ATMIN: variants seen among roughly 807,000 people sequenced by gnomAD.
ATMIN encodes ATM INteracting protein.
In ATMIN, 24 loss-of-function variants were observed where a neutral mutation model predicts 49.2. That is an observed-to-expected ratio of 0.49 (90% confidence interval 0.35 to 0.69). The LOEUF (loss-of-function observed/expected upper bound fraction) is 0.69. ATMIN is among the 30% of genes least tolerant of loss of function. The pLI is 0.00. For synonymous variants in ATMIN, 450 were observed against 392.5 expected, an observed-to-expected ratio of 1.15 and a Z score of -1.73; for missense variants, 1,037 against 1,005.5, an observed-to-expected ratio of 1.03 and a Z score of -0.42.
In ATMIN at chr16:81,044,001, A is replaced by G. The variant is rs1971078855; in HGVS notation, c.1503A>G (p.Pro501=). Residue 501 remains proline, a synonymous_variant, in exon 4 of 4, where the codon CCA becomes CCG. Coordinates refer to ENST00000299575, the MANE Select transcript of ATMIN (RefSeq NM_015251.3). ...RETQTSGIES[P]TDDHVQMDQA... ...CTCAAACCAGTGGGATAGAAAGTCCAACGGATGACCATGTACAGATGGACC... is the reference window on the plus strand; with the variant it reads ...CTCAAACCAGTGGGATAGAAAGTCCGACGGATGACCATGTACAGATGGACC... The G allele has an allele frequency of 6.2e-7, 1 of 1,614,128 alleles. No homozygotes were observed. The highest frequency in any genetic ancestry group is 8.5e-7 in the Non-Finnish European group (1 of 1,180,044).
At position 81,039,691 on chromosome 16, in the gene ATMIN, C is replaced by T. The variant is rs1266757122; in HGVS notation, c.337-1665C>T. On this transcript the variant is annotated intron_variant, in intron 1 of 3. Transcript: ENST00000299575. The stretch of plus-strand genomic sequence containing the variant: ...TTTATTCCTAGAGATTCTTTTGTTC[C>T]TTGTGTGTGAAAGCAGTGGAGGGGA... 4.6e-5 allele frequency among the ~76,000 whole-genome samples: 7 copies of T among 152,108 alleles called. No homozygotes were observed. In the East Asian group the frequency reaches 1.3e-3, roughly 29 times the overall value.
rs1179346045 is a variant in ATMIN at position 81,042,279 on chromosome 16, A to G, written c.463-2A>G. On this transcript the variant is annotated splice_acceptor_variant, in intron 2 of 3. Transcript: ENST00000299575. LOFTEE classifies it high-confidence loss of function. Reference sequence around the variant, plus strand: ...CCTTAGTCCCTTCTGCGTTCCTCCTAGCACTTTATGAAAATGCATGCTGAG... The same window carrying G: ...CCTTAGTCCCTTCTGCGTTCCTCCTGGCACTTTATGAAAATGCATGCTGAG... The G allele has an allele frequency of 2.5e-6, 4 of 1,612,484 alleles. No individual in the cohort carries two copies. Among genetic ancestry groups the G allele is most frequent in the African/African-American group, 1.3e-5 (1 of 74,876 alleles).
chr16:81,042,605 A>C, intron 3 of ATMIN, 125 bp downstream of exon 3: 1 of 1,046,276 alleles, frequency 9.6e-7, no homozygotes, highest in Non-Finnish European at 1.4e-6. Context: ...ACGTGGAAGA[A>C]GGAAGCTTTT....
chr16:81,038,405 A>C (rs1049053694), intron 1 of ATMIN, among the ~76,000 whole-genome samples: 7 of 152,086 alleles, frequency 4.6e-5, no homozygotes, highest in Non-Finnish European at 1.0e-4. Flanking sequence ...GGCTGGGATT[A>C]CAGGTGTGAG....
intron 2 of ATMIN, chr16:81,041,757 TGTGTGA>T (rs1448583889): frequency 2.4e-5 from 7 of 294,014 alleles, no homozygotes; most frequent in Non-Finnish European, 3.8e-5. Flanking sequence ...GCAGATCTCC[TGTGTGA>T]GTCTGCATAC....
rs1219632695 is a variant in ATMIN, at chr16:81,037,604, A to ACTAAATTGATTTCAT, written c.336+1398_336+1399insCTAAATTGATTTCAT. On this transcript the variant is annotated intron_variant, in intron 1 of 3. Transcript: ENST00000299575. The stretch of plus-strand genomic sequence containing the variant: ...TTGTTTTGTTTTCATACTAAATTTT[A>ACTAAATTGATTTCAT]ACTAAATCCTTTTCTTCCCTATTGT... The ACTAAATTGATTTCAT allele has an allele frequency of 2.7e-5, 18 of 658,338 alleles. 1 individual carries two copies. Among genetic ancestry groups the ACTAAATTGATTTCAT allele is most frequent in the Admixed American group, 6.3e-5 (1 of 15,854 alleles). 40.8% of individuals were successfully genotyped at this position (658,338 alleles called of 1,614,324 possible).
chr16:81,035,994 C>T lies in ATMIN; in HGVS notation c.124C>T (p.Pro42Ser). ...CTCGGGCCCGTGGGTGCCCCCGGGACCCCGACTGAGGGGCAGCCGGCCGCG... is the reference window on the plus strand; with the variant it reads ...CTCGGGCCCGTGGGTGCCCCCGGGATCCCGACTGAGGGGCAGCCGGCCGCG... The part of the protein sequence containing the change: ...AASGPWVPPG[P>S]RLRGSRPRPA... Residue 42 changes from proline to serine, a missense_variant, in exon 1 of 4, where the codon CCC becomes TCC. By Grantham distance (74) the Pro-to-Ser change is moderately conservative. Coordinates refer to ENST00000299575, the MANE Select transcript of ATMIN (RefSeq NM_015251.3). 3 of 1,120,034 alleles carry T rather than the reference C, an allele frequency of 2.7e-6. No individual in the cohort carries two copies. The highest frequency in any genetic ancestry group is 3.3e-6 in the Non-Finnish European group (3 of 916,202). 69.4% of individuals were successfully genotyped at this position (1,120,034 alleles called of 1,614,324 possible). A position where few individuals can be genotyped will look rare whatever the true frequency, so the allele number is the denominator to read the frequency against.
intron 1 of ATMIN, among the ~76,000 whole-genome samples, chr16:81,036,557 C>A (rs1300150589): frequency 6.6e-6 from 1 of 152,224 alleles, no homozygotes; most frequent in African/African-American, 2.4e-5. Context: ...AGGGACGCAT[C>A]GTCTCCATTA....
chr16:81,041,754 T>C (rs1476459110), intron 2 of ATMIN: 6 of 302,672 alleles, frequency 2.0e-5, no homozygotes, highest in Non-Finnish European at 2.4e-5. Context: ...CTCGCAGATC[T>C]CCTGTGTGAG....
chr16:81,040,521 A>T (rs140053144), intron 1 of ATMIN: 1 of 152,368 alleles, frequency 6.6e-6, no homozygotes, highest in Non-Finnish European at 1.5e-5. Context: ...TAATGCTACC[A>T]GTTTTTATTG....
intron 1 of ATMIN, 127 bp from the exon 2 acceptor site, chr16:81,041,229 C>G: frequency 2.0e-6 from 2 of 1,014,330 alleles, no homozygotes; most frequent in African/African-American, 1.6e-5. Context: ...ACTGCTGACA[C>G]TAGATGGAAA....
rs1971114767 is a variant in ATMIN at position 81,046,096 on chromosome 16, G to A, written c.*1126G>A. ...GAAACATGCCTATGACTTCATCTTG[G>A]GGTGTGTCCTATGAAGATCCTTTCT... is the stretch of plus-strand genomic sequence containing the variant. On this transcript the variant is annotated 3_prime_UTR_variant, in exon 4 of 4. Coordinates refer to ENST00000299575, the MANE Select transcript of ATMIN (RefSeq NM_015251.3). 2 of 152,174 alleles carry A rather than the reference G, an allele frequency of 1.3e-5. No individual in the cohort carries two copies. Among genetic ancestry groups the A allele is most frequent in the Non-Finnish European group, 2.9e-5 (2 of 68,060 alleles). The allele number at this position is 152,174 out of a possible 1,614,324, so 9.4% of individuals were successfully genotyped here. A position where few individuals can be genotyped will look rare whatever the true frequency, so the allele number is the denominator to read the frequency against.
rs1431544995 is a variant in ATMIN at position 81,042,367 on chromosome 16, T to C, written c.549T>C (p.His183=). The C allele has an allele frequency of 1.9e-6, 3 of 1,614,010 alleles. No homozygotes were observed. The highest frequency in any genetic ancestry group is 2.5e-6 in the Non-Finnish European group (3 of 1,180,028). Reference sequence around the variant, plus strand: ...GTACAGAATGGGACCTGAAAAGACATGCAGAGGACTGTGGCAAGACCTTCC... The same window carrying C: ...GTACAGAATGGGACCTGAAAAGACACGCAGAGGACTGTGGCAAGACCTTCC... ...SYGTEWDLKR[H]AEDCGKTFRC... is the part of the protein sequence containing the mutation. Residue 183 remains histidine, a synonymous_variant, in exon 3 of 4, where the codon CAT becomes CAC. Coordinates refer to ENST00000299575, the MANE Select transcript of ATMIN (RefSeq NM_015251.3).
At chr16:81,041,322 G>T in intron 1 of ATMIN, 34 bp from the exon 2 acceptor site, 1 of 1,578,932 alleles carries the variant, frequency 6.3e-7, no homozygotes, top group Non-Finnish European at 8.6e-7. Flanking sequence ...TTGTTTTTTT[G>T]AAATAATAAT....
chr16:81,041,206 C>T lies in ATMIN; in HGVS notation c.337-150C>T, dbSNP rs1971031257. ...CCACATTTCGTTTAATCTACTCATA[C>T]TCTTTTTCTCTTACTGCTGACACTA... On this transcript the variant is annotated intron_variant, in intron 1 of 3. Transcript: ENST00000299575. 9 of 802,032 alleles carry T rather than the reference C, an allele frequency of 1.1e-5. No homozygotes were observed. In the South Asian group the frequency reaches 1.3e-4, roughly 12 times the overall value. The allele number at this position is 802,032 out of a possible 1,614,324, so 49.7% of individuals were successfully genotyped here. A position where few individuals can be genotyped will look rare whatever the true frequency, so the allele number is the denominator to read the frequency against.
chr16:81,036,273 G>A, intron 1 of ATMIN, 67 bp downstream of exon 1: 2 of 1,158,800 alleles, frequency 1.7e-6, no homozygotes, highest in Non-Finnish European at 2.1e-6. Flanking sequence ...CGGCGCCGGC[G>A]CGCGAAGCCG....
In ATMIN at chr16:81,043,848, A is replaced by G. The variant is rs1330021532; in HGVS notation, c.1350A>G (p.Gln450=). ...AAACTGATTTGTCGTTTGATTCTCAAGTGTCTCTTCCCATTAGTGTTCACA... is the reference window on the plus strand; with the variant it reads ...AAACTGATTTGTCGTTTGATTCTCAGGTGTCTCTTCCCATTAGTGTTCACA... The part of the protein sequence containing the change: ...CSQTDLSFDS[Q]VSLPISVHTQ... The change falls in exon 4 of 4, where the codon CAA becomes CAG. Residue 450 remains glutamine, a synonymous_variant. Coordinates refer to ENST00000299575, the MANE Select transcript of ATMIN (RefSeq NM_015251.3). 3 of 1,614,008 alleles carry G rather than the reference A, an allele frequency of 1.9e-6. No individual in the cohort carries two copies. Among genetic ancestry groups the G allele is most frequent in the South Asian group, 1.1e-5 (1 of 91,078 alleles).
intron 3 of ATMIN, 66 bp from the exon 4 acceptor site, chr16:81,043,095 A>T (rs1339022178): frequency 1.8e-5 from 27 of 1,521,130 alleles, no homozygotes; most frequent in Non-Finnish European, 2.4e-5. Context: ...GTAAGTGAGG[A>T]TAGAGTGTCA....
intron 1 of ATMIN, among the ~76,000 whole-genome samples, chr16:81,040,253 A>T (rs879747936): frequency 1.3e-5 from 2 of 152,084 alleles, no homozygotes; most frequent in African/African-American, 4.8e-5. Context: ...GCCATTTCTC[A>T]TCTGAGCCAT....
Sources: gnomAD v4.1 joint callset for allele counts (sites outside exome capture counted in the v4.1 genomes callset) on GRCh38, gnomAD v4.1.1 for gene constraint, MANE v1.5 for transcripts, NCBI Gene and HGNC (gene_info 2026-07-23, HGNC 2026-07-21) for gene names.